PCDHA8: variants seen among roughly 807,000 people sequenced by gnomAD.
PCDHA8 encodes protocadherin alpha 8, also known as protocadherin alpha-8.
PCDHA8 carries 53 observed loss-of-function variants against 61.8 expected under a neutral mutation model. The observed-to-expected ratio is 0.86, with a 90% CI of 0.69 to 1.08. The LOEUF (loss-of-function observed/expected upper bound fraction) is 1.08, where lower values mean the gene tolerates loss of function less well. PCDHA8 is among the 50% of genes least tolerant of loss of function. The probability of loss-of-function intolerance (pLI) is 0.00; values close to 1 mark genes in which losing one functional copy is unlikely to be tolerated. For missense variants in PCDHA8, 1,293 were observed against 1,245.0 expected (o/e 1.04, Z -0.58); for synonymous variants, 618 against 556.6 (o/e 1.11, Z -1.55).
intron 1 of PCDHA8, chr5:140,867,337 G>A (rs1299796408): frequency 6.6e-6 from 1 of 152,004 alleles, no homozygotes; most frequent in African/African-American, 2.4e-5. Flanking sequence ...GTTTTGATTA[G>A]AGGCTACTAT....
chr5:140,883,356 C>A, intron 1 of PCDHA8: 1 of 1,614,190 alleles, frequency 6.2e-7, no homozygotes, highest in Non-Finnish European at 8.5e-7. Flanking sequence ...AGAGAAGACA[C>A]TCAGCCTAGC....
intron 1 of PCDHA8, chr5:140,861,381 G>T: frequency 2.3e-6 from 1 of 433,922 alleles, no homozygotes; most frequent in African/African-American, 2.0e-5. Context: ...TATTGCGCAG[G>T]ACCTGGGTCT....
At chr5:140,904,729 TA>T (rs1313627737) in intron 1 of PCDHA8, among the ~76,000 whole-genome samples, 4 of 152,162 alleles carry the variant, frequency 2.6e-5, no homozygotes, top group East Asian at 1.9e-4. Context: ...CAACATCTAT[TA>T]TTTTTTTATT....
intron 1 of PCDHA8, chr5:140,869,913 C>T (rs782111162): frequency 3.7e-6 from 6 of 1,610,754 alleles, no homozygotes; most frequent in Non-Finnish European, 5.1e-6. Flanking sequence ...CAGACCGAGA[C>T]GAAGGAGTCA....
At chr5:140,877,269 T>A in intron 1 of PCDHA8, 1 of 1,613,758 alleles carries the variant, frequency 6.2e-7, no homozygotes. Flanking sequence ...CGGTGGACGC[T>A]GACTCCGGCT....
At chr5:140,955,460 C>G (rs1051253944) in intron 1 of PCDHA8, among the ~76,000 whole-genome samples, 2 of 152,000 alleles carry the variant, frequency 1.3e-5, no homozygotes, top group Non-Finnish European at 2.9e-5. Flanking sequence ...GGGCTTTTTC[C>G]TTTTTGCTTG....
At chr5:140,881,239 A>G in intron 1 of PCDHA8, 1 of 370,812 alleles carries the variant, frequency 2.7e-6, no homozygotes. Flanking sequence ...AGTCAATTTA[A>G]ATGACGGCAA....
At chr5:140,939,629 A>G (rs1250529725) in intron 1 of PCDHA8, among the ~76,000 whole-genome samples, 5 of 152,248 alleles carry the variant, frequency 3.3e-5, no homozygotes, top group African/African-American at 1.2e-4. Context: ...AAGAAAATCA[A>G]TAAGGGTACT....
At chr5:140,894,904 A>G (rs1422978967) in intron 1 of PCDHA8, among the ~76,000 whole-genome samples, 1 of 152,168 alleles carries the variant, frequency 6.6e-6, no homozygotes, top group Non-Finnish European at 1.5e-5. Context: ...TAATTTTCCT[A>G]TCTTTGTTGC....
intron 1 of PCDHA8, among the ~76,000 whole-genome samples, chr5:140,895,468 CCT>C (rs2065019844): frequency 6.6e-6 from 1 of 152,130 alleles, no homozygotes; most frequent in Non-Finnish European, 1.5e-5. Flanking sequence ...ATTTCTTTAT[CCT>C]CTTCGGAGAA....
chr5:140,994,377 G>C (rs1260163825), intron 3 of PCDHA8, among the ~76,000 whole-genome samples: 3 of 152,098 alleles, frequency 2.0e-5, no homozygotes, highest in Non-Finnish European at 4.4e-5. Context: ...GGAAATTCAG[G>C]GGACTAAGTC....
At chr5:140,846,180 G>A (rs1196711565) in intron 1 of PCDHA8, among the ~76,000 whole-genome samples, 4 of 149,348 alleles carry the variant, frequency 2.7e-5, no homozygotes, top group East Asian at 1.9e-4. Context: ...CTGAGTAGGC[G>A]TTTGAGTTCT....
intron 1 of PCDHA8, chr5:140,858,817 G>T: frequency 2.9e-6 from 1 of 345,470 alleles, no homozygotes; most frequent in African/African-American, 2.2e-5. Flanking sequence ...TGATTTGATT[G>T]TATTTGCATT....
chr5:140,928,216 A>T, intron 1 of PCDHA8: 1 of 1,614,188 alleles, frequency 6.2e-7, no homozygotes, highest in Non-Finnish European at 8.5e-7. Context: ...GAATGACAAT[A>T]CACCAAACTT....
chr5:140,990,379 G>C (rs1554251452), intron 3 of PCDHA8, among the ~76,000 whole-genome samples: 3 of 152,092 alleles, frequency 2.0e-5, no homozygotes. Context: ...CAAATTTGTT[G>C]GTGATGTTCC....
At chr5:140,888,173 T>A (rs1231331780) in intron 1 of PCDHA8, among the ~76,000 whole-genome samples, 1 of 152,224 alleles carries the variant, frequency 6.6e-6, no homozygotes, top group African/African-American at 2.4e-5. Context: ...AATAAGATGC[T>A]AGACATTGTG....
intron 3 of PCDHA8, 71 bp from the exon 4 acceptor site, chr5:141,009,556 A>T: frequency 6.4e-7 from 1 of 1,564,868 alleles, no homozygotes; most frequent in Non-Finnish European, 8.7e-7. Flanking sequence ...GTACTCCTGT[A>T]CTCTACCAGC....
rs782623559 is a variant in PCDHA8 at position 141,009,752 on chromosome 5, A to G, written c.2668A>G (p.Ile890Val). The G allele has an allele frequency of 3.1e-6, 5 of 1,614,086 alleles. No homozygotes were observed. Among genetic ancestry groups the G allele is most frequent in the East Asian group, 4.5e-5 (2 of 44,882 alleles). The change falls in exon 4 of 4, where the codon ATC becomes GTC. Residue 890 changes from isoleucine (I) to valine (V), a missense_variant. Physicochemically the swap from Ile to Val is conservative, Grantham distance 29. Transcript: ENST00000531613. ...CGGTGAGTTGCCCGACAAATTCATT[A>G]TCCCAGGATCTCCTGCAATCATCTC... ...GPGELPDKFIIPGSPAIISIR... is the reference protein window; with the variant it reads ...GPGELPDKFIVPGSPAIISIR...
Position 140,858,600 on chromosome 5 carries a change from TA to T in PCDHA8, c.2394+14889del, listed in dbSNP as rs1554151860. 9.3e-6 allele frequency: 12 copies of T among 1,293,864 alleles called. 1 individual carries two copies. Among genetic ancestry groups the T allele is most frequent in the Non-Finnish European group, 1.3e-5 (12 of 949,282 alleles). 80.1% of individuals were successfully genotyped at this position (1,293,864 alleles called of 1,614,324 possible). ...GTAATATAATTTATTCCAGGAGTTT[TA>T]AAATTTTTTTATCCTACCCAGTGTG... is the stretch of plus-strand genomic sequence containing the variant. On this transcript the variant is annotated intron_variant, in intron 1 of 3. Coordinates refer to ENST00000531613, the MANE Select transcript of PCDHA8 (RefSeq NM_018911.3).
Sources: gnomAD v4.1 joint callset for allele counts (sites outside exome capture counted in the v4.1 genomes callset) on GRCh38, gnomAD v4.1.1 for gene constraint, MANE v1.5 for transcripts, NCBI Gene and HGNC (gene_info 2026-07-23, HGNC 2026-07-21) for gene names.